SEL1L3: variants seen among roughly 807,000 people sequenced by gnomAD.
The protein encoded by SEL1L3 is SEL1L family member 3.
A neutral mutation model predicts 142.8 loss-of-function variants in SEL1L3; 76 were observed. That is an observed-to-expected ratio of 0.53 (90% CI 0.44 to 0.64). The LOEUF is 0.64. Ranked by LOEUF, SEL1L3 falls within the 30% of genes least tolerant of loss-of-function variation. SEL1L3 has a pLI of 0.00. For missense variants in SEL1L3, 1,262 were observed against 1,381.7 expected, an observed-to-expected ratio of 0.91 and a Z score of 1.37; for synonymous variants, 504 against 519.6, an observed-to-expected ratio of 0.97 and a Z score of 0.41.
the SEL1L3 span, chr4:25,718,624 C>G: frequency 6.6e-6 from 1 of 152,110 alleles, no homozygotes; most frequent in African/African-American, 2.4e-5. Flanking sequence ...CGTAGACAAA[C>G]AGAGCTATTC....
At chr4:25,811,639 T>C (rs1015063187) in intron 9 of SEL1L3, among the ~76,000 whole-genome samples, 1 of 152,028 alleles carries the variant, frequency 6.6e-6, no homozygotes, top group Non-Finnish European at 1.5e-5. Context: ...ATTCAGTTGC[T>C]AAACAAATAT....
At position 25,816,206 on chromosome 4, in the gene SEL1L3, A is replaced by G. The variant is rs141731407; in HGVS notation, c.1564+1932T>C. 3.6e-3 allele frequency among the ~76,000 whole-genome samples: 538 copies of G among 150,212 alleles called. 1 individual carries two copies. Among genetic ancestry groups the G allele is most frequent in the African/African-American group, 0.012 (497 of 40,994 alleles). On this transcript the variant is annotated intron_variant, in intron 9 of 23. Transcript: ENST00000399878. The stretch of plus-strand genomic sequence containing the variant: ...CATATGCACACACATATACATACAC[A>G]TATATACCTATATATACATATACAT...
chr4:25,837,170 A>C (rs541618718), intron 2 of SEL1L3, among the ~76,000 whole-genome samples: 1 of 149,782 alleles, frequency 6.7e-6, no homozygotes, highest in African/African-American at 2.5e-5. Flanking sequence ...AGTACTGCAA[A>C]GGTTTTCTTT....
intron 17 of SEL1L3, among the ~76,000 whole-genome samples, chr4:25,769,373 G>A (rs1718992254): frequency 6.6e-6 from 1 of 152,142 alleles, no homozygotes; most frequent in Admixed American, 6.6e-5. Flanking sequence ...CAGGCTCTGA[G>A]ATACCTAAGG....
At position 25,790,586 on chromosome 4, in the gene SEL1L3, G is replaced by A; in HGVS notation, c.1957-12C>T. 1 of 1,514,722 alleles carries A rather than the reference G, an allele frequency of 6.6e-7. No individual in the cohort carries two copies. Among genetic ancestry groups the A allele is most frequent in the Non-Finnish European group, 9.0e-7 (1 of 1,113,882 alleles). The allele number at this position is 1,514,722 out of a possible 1,614,324, so 93.8% of individuals were successfully genotyped here. A position where few individuals can be genotyped will look rare whatever the true frequency, so the allele number is the denominator to read the frequency against. On this transcript the variant is annotated splice_polypyrimidine_tract_variant and intron_variant, in intron 11 of 23. Transcript: ENST00000399878. The stretch of plus-strand genomic sequence containing the variant: ...GTTTCAACATATGCCTGAGAAGGAA[G>A]GAGGGAAAGAAGGAAGGAGGGAAAG...
the SEL1L3 span, among the ~76,000 whole-genome samples, chr4:25,715,565 TA>T: frequency 6.7e-6 from 1 of 150,146 alleles, no homozygotes; most frequent in Non-Finnish European, 1.5e-5. Flanking sequence ...TTTCCATATC[TA>T]AAAATGTTTT....
At chr4:25,776,507 G>A in intron 16 of SEL1L3, 147 bp from the exon 17 acceptor site, 1 of 591,170 alleles carries the variant, frequency 1.7e-6, no homozygotes, top group South Asian at 2.1e-5. Context: ...TGAATGTTAA[G>A]GTAAAGAAAA....
At chr4:25,731,938 G>T in the SEL1L3 span, among the ~76,000 whole-genome samples, 19 of 152,242 alleles carry the variant, frequency 1.2e-4, no homozygotes, top group East Asian at 2.5e-3. Flanking sequence ...GCTGGGCATG[G>T]TGGTGCGTGT....
Position 25,788,325 on chromosome 4 carries a change from C to T in SEL1L3, c.2116G>A (p.Val706Met). ...AQMLFWGQQG[V>M]AKNPEAAIEW... ...ATTGCTGCTTCGGGATTCTTGGCCACACCTTGCTGCCCCCAGAACAGCATC... is the reference window on the plus strand; with the variant it reads ...ATTGCTGCTTCGGGATTCTTGGCCATACCTTGCTGCCCCCAGAACAGCATC... Residue 706 changes from valine to methionine, a missense_variant, in exon 13 of 24, where the codon GTG becomes ATG. This residue lies in a region of SEL1L3 where 435 missense variants were observed against 559.2 expected (regional missense o/e 0.78). Transcript: ENST00000399878. This position sits in a 1 kb window ranked among gnomAD's most constrained non-coding sequence, Gnocchi z 5.3. The T allele has an allele frequency of 1.2e-6, 2 of 1,614,000 alleles. No homozygotes were observed. Among genetic ancestry groups the T allele is most frequent in the Non-Finnish European group, 8.5e-7 (1 of 1,179,886 alleles).
In SEL1L3 at chr4:25,819,798, C is replaced by A. The variant is rs550833503; in HGVS notation, c.1423+10G>T. ...AGCTTAAAACAGCTCCCCTGAAGCT[C>A]AACACTTACATGCTTCTTGTCTCTC... On this transcript the variant is annotated intron_variant, in intron 8 of 23. Transcript: ENST00000399878. 1.2e-6 allele frequency: 2 copies of A among 1,607,184 alleles called. No individual in the cohort carries two copies. The highest frequency in any genetic ancestry group is 1.7e-6 in the Non-Finnish European group (2 of 1,177,196).
intron 11 of SEL1L3, among the ~76,000 whole-genome samples, chr4:25,797,630 A>G (rs1301714987): frequency 6.6e-6 from 1 of 152,176 alleles, no homozygotes; most frequent in Non-Finnish European, 1.5e-5. Flanking sequence ...ACCTGCCATC[A>G]AGAACGAAAC....
In SEL1L3 at chr4:25,862,943, C is replaced by G; in HGVS notation, c.-107G>C. The G allele has an allele frequency of 3.7e-6, 3 of 807,246 alleles. No homozygotes were observed. The highest frequency in any genetic ancestry group is 4.5e-6 in the Non-Finnish European group (3 of 670,290). The allele number at this position is 807,246 out of a possible 1,614,324, so 50.0% of individuals were successfully genotyped here. On this transcript the variant is annotated 5_prime_UTR_variant, in exon 1 of 24. Coordinates refer to ENST00000399878, the MANE Select transcript of SEL1L3 (RefSeq NM_015187.5). The stretch of plus-strand genomic sequence containing the variant: ...GCCCCCGGCCGGGCCGGCCGCCGCG[C>G]GCGGGGCCACCTGCCGCCACCTCCG...
At chr4:25,779,370 C>T (rs148596585) in intron 15 of SEL1L3, among the ~76,000 whole-genome samples, 167 bp from the exon 16 acceptor site, 27 of 152,324 alleles carry the variant, frequency 1.8e-4, no homozygotes, top group Non-Finnish European at 3.5e-4. Context: ...TCACAGAAGT[C>T]AGCCTCTGAG....
At position 25,825,666 on chromosome 4, in the gene SEL1L3, ATTT is replaced by A. The variant is rs33997941; in HGVS notation, c.1158-3541_1158-3539del. Among the ~76,000 whole-genome samples, 147 of 74,044 alleles carry A rather than the reference ATTT, an allele frequency of 2.0e-3. 1 individual carries two copies. The highest frequency in any genetic ancestry group is 9.1e-3 in the Middle Eastern group (1 of 110). 48.6% of individuals were successfully genotyped at this position (74,044 alleles called of 152,430 possible). On this transcript the variant is annotated intron_variant, in intron 6 of 23. Transcript: ENST00000399878. ...TTCTTCAGGGCCTGGTCTAAATTCT[ATTT>A]TTTTTTTTTTTTTTTTTTTTTTTGG... is the stretch of plus-strand genomic sequence containing the variant.
chr4:25,716,187 C>T, the SEL1L3 span, among the ~76,000 whole-genome samples: 24 of 151,332 alleles, frequency 1.6e-4, no homozygotes, highest in African/African-American at 5.6e-4. Flanking sequence ...AAAAAAAATC[C>T]AATATGAAAA....
At position 25,822,064 on chromosome 4, in the gene SEL1L3, C is replaced by G. The variant is rs1457431537; in HGVS notation, c.1222G>C (p.Val408Leu). 7 of 1,614,002 alleles carry G rather than the reference C, an allele frequency of 4.3e-6. No homozygotes were observed. Among genetic ancestry groups the G allele is most frequent in the Non-Finnish European group, 5.9e-6 (7 of 1,179,894 alleles). The part of the protein sequence containing the change: ...GYFIIGGSRY[V>L]AGIEGFFGPL... ...CCAAAAAACCCTTCAATGCCAGCCACATACCTGCTCCCTCCAATAATGAAG... is the reference window on the plus strand; with the variant it reads ...CCAAAAAACCCTTCAATGCCAGCCAGATACCTGCTCCCTCCAATAATGAAG... The change falls in exon 7 of 24, where the codon GTG becomes CTG. Residue 408 changes from valine to leucine, a missense_variant. Coordinates refer to ENST00000399878, the MANE Select transcript of SEL1L3 (RefSeq NM_015187.5).
intron 11 of SEL1L3, among the ~76,000 whole-genome samples, chr4:25,802,030 C>T (rs1713218639): frequency 6.6e-6 from 1 of 152,146 alleles, no homozygotes; most frequent in Non-Finnish European, 1.5e-5. Flanking sequence ...CTGCCCAAGG[C>T]CAAGTTGACT....
chr4:25,754,379 C>T (rs376273551), intron 23 of SEL1L3, among the ~76,000 whole-genome samples: 2 of 149,312 alleles, frequency 1.3e-5, no homozygotes, highest in East Asian at 3.9e-4. Flanking sequence ...CACAGGGTCT[C>T]ACTCTGTTGC....
At chr4:25,837,390 TA>T (rs933622661) in intron 2 of SEL1L3, among the ~76,000 whole-genome samples, 14 of 136,706 alleles carry the variant, frequency 1.0e-4, no homozygotes, top group African/African-American at 1.4e-4. Context: ...TGACTCCAAT[TA>T]AAAAAAAAAG....
Sources: gnomAD v4.1 joint callset for allele counts (sites outside exome capture counted in the v4.1 genomes callset) on GRCh38, gnomAD v4.1.1 for gene constraint, gnomAD v4.1.1 regional missense constraint, Gnocchi (gnomAD v3.1) non-coding constraint, MANE v1.5 for transcripts, NCBI Gene and HGNC (gene_info 2026-07-23, HGNC 2026-07-21) for gene names.